ADGRL3: variants seen among roughly 807,000 people sequenced by gnomAD.
ADGRL3 encodes the protein adhesion G protein-coupled receptor L3, also known as calcium-independent alpha-latrotoxin receptor 3.
A neutral mutation model predicts 153.5 loss-of-function variants in ADGRL3; 62 were observed. That is an observed-to-expected ratio of 0.40 (90% CI 0.33 to 0.50). The LOEUF is 0.50. Ranked by LOEUF, ADGRL3 falls within the 20% of genes least tolerant of loss-of-function variation. The pLI is 0.47. For missense variants in ADGRL3, 1,641 were observed against 1,859.4 expected, an observed-to-expected ratio of 0.88 and a Z score of 2.16; for synonymous variants, 710 against 672.5, an observed-to-expected ratio of 1.06 and a Z score of -0.86.
At chr4:61,310,685 A>G (rs1175618610) in intron 1 of ADGRL3, among the ~76,000 whole-genome samples, 3 of 152,022 alleles carry the variant, frequency 2.0e-5, no homozygotes, top group Non-Finnish European at 2.9e-5. Flanking sequence ...CACCCTCATT[A>G]CAGTTACTAC....
intron 2 of ADGRL3, among the ~76,000 whole-genome samples, chr4:61,450,224 C>T (rs2097657557): frequency 6.6e-6 from 1 of 152,026 alleles, no homozygotes. Flanking sequence ...GTTTAATCAA[C>T]CTCTACATTA....
At chr4:61,809,371 A>G (rs1045189498) in intron 8 of ADGRL3, among the ~76,000 whole-genome samples, 10 of 152,166 alleles carry the variant, frequency 6.6e-5, no homozygotes, top group Admixed American at 2.0e-4. Context: ...CATAGAATTT[A>G]AAATAAATGG....
chr4:61,891,089 G>A (rs1362487150), intron 9 of ADGRL3, among the ~76,000 whole-genome samples: 2 of 152,088 alleles, frequency 1.3e-5, no homozygotes, highest in African/African-American at 4.8e-5. Flanking sequence ...TATGAATCAC[G>A]AGCTTTGATT....
At chr4:61,962,645 A>G (rs2098992219) in intron 17 of ADGRL3, among the ~76,000 whole-genome samples, 1 of 152,138 alleles carries the variant, frequency 6.6e-6, no homozygotes, top group African/African-American at 2.4e-5. Flanking sequence ...CATGTAGTAG[A>G]TGCTGTATCC....
chr4:61,293,535 T>G (rs1248516755), intron 1 of ADGRL3, among the ~76,000 whole-genome samples: 1 of 152,190 alleles, frequency 6.6e-6, no homozygotes, highest in Non-Finnish European at 1.5e-5. Context: ...ATGACTTATT[T>G]TAGTTATGAT....
intron 4 of ADGRL3, among the ~76,000 whole-genome samples, chr4:61,569,731 A>T (rs985059408): frequency 2.6e-5 from 4 of 152,174 alleles, no homozygotes; most frequent in Non-Finnish European, 4.4e-5. Context: ...CAAGGTTAAT[A>T]CAAGTTATAA....
At chr4:61,706,568 G>A (rs568833745) in intron 6 of ADGRL3, among the ~76,000 whole-genome samples, 1 of 152,098 alleles carries the variant, frequency 6.6e-6, no homozygotes, top group Admixed American at 6.5e-5. Context: ...GCTTCACCTT[G>A]CATTTTAAAA....
intron 5 of ADGRL3, among the ~76,000 whole-genome samples, chr4:61,673,040 A>T (rs940370689): frequency 1.3e-5 from 2 of 151,994 alleles, no homozygotes; most frequent in Non-Finnish European, 2.9e-5. Flanking sequence ...GATAACATGT[A>T]TGAACCTGGA....
chr4:61,896,973 T>C (rs2098635260), intron 11 of ADGRL3, among the ~76,000 whole-genome samples: 1 of 152,220 alleles, frequency 6.6e-6, no homozygotes, highest in African/African-American at 2.4e-5. Context: ...ATAATAATTC[T>C]TCTAGAAAAG....
chr4:61,628,195 G>GA (rs940834883), intron 5 of ADGRL3, among the ~76,000 whole-genome samples: 6 of 151,730 alleles, frequency 4.0e-5, no homozygotes, highest in East Asian at 1.9e-4. Flanking sequence ...TTACATTGTG[G>GA]AAAAAAAACT....
At chr4:61,652,436 T>C (rs1390656731) in intron 5 of ADGRL3, among the ~76,000 whole-genome samples, 2 of 152,220 alleles carry the variant, frequency 1.3e-5, no homozygotes, top group Non-Finnish European at 2.9e-5. Flanking sequence ...GTCATCATTA[T>C]GAACTAAGCC....
intron 17 of ADGRL3, among the ~76,000 whole-genome samples, chr4:61,975,334 T>A (rs778306433): frequency 4.6e-5 from 7 of 152,048 alleles, no homozygotes; most frequent in Non-Finnish European, 7.4e-5. Flanking sequence ...CGCAGATATC[T>A]TTTGGAAGAG....
chr4:61,416,166 A>T (rs1458277495), intron 2 of ADGRL3, among the ~76,000 whole-genome samples: 1 of 152,116 alleles, frequency 6.6e-6, no homozygotes, highest in Non-Finnish European at 1.5e-5. Flanking sequence ...AAAATGCTAT[A>T]TGACATTGTT....
intron 4 of ADGRL3, among the ~76,000 whole-genome samples, chr4:61,563,342 C>A (rs2098803317): frequency 6.6e-6 from 1 of 152,106 alleles, no homozygotes; most frequent in South Asian, 2.1e-4. Context: ...GATGTGCTGT[C>A]ATTCAGGCAC....
At chr4:61,440,299 T>C (rs335281) in intron 2 of ADGRL3, among the ~76,000 whole-genome samples, 141,724 of 152,156 alleles carry the variant, frequency 0.93, 66,852 homozygotes, top group East Asian at 1. Flanking sequence ...CCGCCTGCCT[T>C]GGCCTCCCAA....
chr4:61,731,516 T>C (rs2096442313), intron 7 of ADGRL3, among the ~76,000 whole-genome samples: 1 of 152,102 alleles, frequency 6.6e-6, no homozygotes, highest in Non-Finnish European at 1.5e-5. Context: ...GTGTTTGCTT[T>C]GCAAATATAT....
intron 4 of ADGRL3, among the ~76,000 whole-genome samples, chr4:61,535,384 AT>A (rs1356338235): frequency 6.6e-6 from 1 of 152,004 alleles, no homozygotes; most frequent in Non-Finnish European, 1.5e-5. Context: ...CATCAGGGAT[AT>A]TGGTCTGTAG....
At chr4:61,284,116 T>C (rs2093831384) in intron 1 of ADGRL3, among the ~76,000 whole-genome samples, 1 of 151,970 alleles carries the variant, frequency 6.6e-6, no homozygotes, top group African/African-American at 2.4e-5. Context: ...GGCGTCTTAA[T>C]TGATGTAAAG....
At chr4:61,909,216 A>G (rs1280803782) in intron 11 of ADGRL3, among the ~76,000 whole-genome samples, 1 of 152,172 alleles carries the variant, frequency 6.6e-6, no homozygotes, top group African/African-American at 2.4e-5. Flanking sequence ...GTGGTTGGGG[A>G]TTTACAAGAC....
Sources: gnomAD v4.1 joint callset for allele counts (sites outside exome capture counted in the v4.1 genomes callset) on GRCh38, gnomAD v4.1.1 for gene constraint, MANE v1.5 for transcripts, NCBI Gene and HGNC (gene_info 2026-07-23, HGNC 2026-07-21) for gene names.